The following THSD4 variants were observed in gnomAD, a reference collection of about 807,000 sequenced individuals.
THSD4 encodes the protein thrombospondin type 1 domain containing 4, also known as thrombospondin type-1 domain-containing protein 4.
Under a neutral mutation model 119.0 loss-of-function variants are expected in THSD4, and 69 were observed. That is an observed-to-expected ratio of 0.58 (90% CI 0.48 to 0.71). THSD4 has a LOEUF of 0.71. THSD4 is among the 30% of genes least tolerant of loss of function. The probability of loss-of-function intolerance (pLI) is 0.00; values close to 1 mark genes in which losing one functional copy is unlikely to be tolerated. For synonymous variants in THSD4, 524 were observed against 540.4 expected, an observed-to-expected ratio of 0.97 and a Z score of 0.42; for missense variants, 1,393 against 1,391.1, an observed-to-expected ratio of 1.00 and a Z score of -0.02.
At chr15:71,617,770 T>C (rs924736945) in intron 7 of THSD4, among the ~76,000 whole-genome samples, 1 of 152,262 alleles carries the variant, frequency 6.6e-6, no homozygotes, top group Non-Finnish European at 1.5e-5. Flanking sequence ...TGAATTTTGC[T>C]GAGCTGCCTC....
chr15:71,151,263 A>G (rs1016255741), intron 2 of THSD4, among the ~76,000 whole-genome samples: 7 of 152,162 alleles, frequency 4.6e-5, no homozygotes, highest in Admixed American at 1.3e-4. Flanking sequence ...CCTGAATGCT[A>G]TGAAAGTGCA....
intron 3 of THSD4, among the ~76,000 whole-genome samples, chr15:71,180,156 T>TAAAAAAAAAAAAA (rs766375226): frequency 8.8e-5 from 2 of 22,828 alleles, no homozygotes; most frequent in African/African-American, 1.2e-4. Context: ...AAAAAAACAT[T>TAAAAAAAAAAAAA]AAAAAAAAAA....
intron 7 of THSD4, among the ~76,000 whole-genome samples, chr15:71,523,419 G>A (rs1354074330): frequency 1.3e-5 from 2 of 152,162 alleles, no homozygotes; most frequent in African/African-American, 4.8e-5. Context: ...TGGATTTAGG[G>A]CCCACCTGGA....
In THSD4 at chr15:71,097,734, T is replaced by A. The variant is rs901718338; in HGVS notation, c.-80+728T>A. On this transcript the variant is annotated intron_variant, in intron 1 of 17. Transcript: ENST00000355327. ...TATATATATATATATATATATTTTT[T>A]TTTTTAAGTCCAAAGCAAACTCTTT... 8.7e-3 allele frequency among the ~76,000 whole-genome samples: 1,255 copies of A among 145,048 alleles called. 10 individuals are homozygous for A. Among genetic ancestry groups the A allele is most frequent in the Middle Eastern group, 0.025 (7 of 276 alleles).
chr15:71,182,913 G>A (rs2043549191), intron 3 of THSD4, among the ~76,000 whole-genome samples: 1 of 151,634 alleles, frequency 6.6e-6, no homozygotes, highest in South Asian at 2.1e-4. Flanking sequence ...TATTCTCTTT[G>A]TATTTTTTTA....
exon 1 of THSD4, chr15:71,096,998 T>C (rs1357204429): frequency 6.6e-6 from 1 of 152,202 alleles, no homozygotes; most frequent in Non-Finnish European, 1.5e-5. Context: ...AAGAGGAAAC[T>C]GGATTCAGGC....
intron 7 of THSD4, among the ~76,000 whole-genome samples, chr15:71,553,421 G>A (rs1595880142): frequency 6.6e-6 from 1 of 151,616 alleles, no homozygotes; most frequent in Non-Finnish European, 1.5e-5. Flanking sequence ...CACCTCCCGG[G>A]TTCAAGCGAT....
At chr15:71,180,681 A>G (rs77440467) in intron 3 of THSD4, among the ~76,000 whole-genome samples, 2,617 of 152,330 alleles carry the variant, frequency 0.017, 39 homozygotes, top group South Asian at 0.049. Context: ...AAGTATGTAC[A>G]GTATCATTCC....
chr15:71,716,729 C>G (rs562217966), intron 8 of THSD4, among the ~76,000 whole-genome samples: 1 of 152,116 alleles, frequency 6.6e-6, no homozygotes, highest in Non-Finnish European at 1.5e-5. Context: ...TCCTCCTACC[C>G]GACTTCCAGG....
At chr15:71,201,890 T>C (rs1235192031) in intron 3 of THSD4, among the ~76,000 whole-genome samples, 1 of 152,218 alleles carries the variant, frequency 6.6e-6, no homozygotes, top group Admixed American at 6.5e-5. Context: ...CAGGCACTGC[T>C]GCAGTGCTCA....
At chr15:71,704,950 A>T (rs1053661580) in intron 8 of THSD4, among the ~76,000 whole-genome samples, 1 of 152,234 alleles carries the variant, frequency 6.6e-6, no homozygotes, top group Non-Finnish European at 1.5e-5. Context: ...AGGAATAAAA[A>T]GTCCACTTTG....
At chr15:71,487,318 G>T (rs557074570) in intron 7 of THSD4, among the ~76,000 whole-genome samples, 1 of 152,344 alleles carries the variant, frequency 6.6e-6, no homozygotes, top group Admixed American at 6.5e-5. Flanking sequence ...GCAAGAAATT[G>T]TGTTGTTTTC....
intron 17 of THSD4, among the ~76,000 whole-genome samples, chr15:71,772,811 T>C (rs1339778930): frequency 3.3e-5 from 5 of 152,196 alleles, no homozygotes; most frequent in Non-Finnish European, 7.3e-5. Context: ...GAGGCTTCCA[T>C]TGTATTGAGA....
chr15:71,584,257 A>ATTTTTT (rs2049616963), intron 7 of THSD4, among the ~76,000 whole-genome samples: 1 of 58,450 alleles, frequency 1.7e-5, no homozygotes, highest in Admixed American at 2.0e-4. Flanking sequence ...TTTTTTTTTC[A>ATTTTTT]CTTTCTTTTT....
At chr15:71,114,221 A>G (rs1009048795), upstream of THSD4, among the ~76,000 whole-genome samples, 13 of 150,336 alleles carry the variant, frequency 8.6e-5, no homozygotes, top group Admixed American at 5.9e-4. Context: ...CCCTTTTGTT[A>G]ATTTTTTTTT....
rs189782421 is a variant in THSD4, at chr15:71,194,315, C to T, written c.100-20720C>T. On this transcript the variant is annotated intron_variant, in intron 3 of 17. Coordinates refer to ENST00000261862, the MANE Select transcript of THSD4 (RefSeq NM_024817.3). ...GATGCCTCCATCTGTTTTCACAAAC[C>T]GAGGTTGCTCTTCTTGCCACTGAGT... Among the ~76,000 whole-genome samples, 181 of 152,248 alleles carry T rather than the reference C, an allele frequency of 1.2e-3. 1 individual carries two copies. In the East Asian group the frequency reaches 0.017, roughly 14 times the overall value.
intron 7 of THSD4, among the ~76,000 whole-genome samples, chr15:71,464,943 A>G (rs888407702): frequency 2.6e-5 from 4 of 152,152 alleles, no homozygotes; most frequent in Admixed American, 2.6e-4. Context: ...CACTTTTAAT[A>G]TAAGTTTATA....
intron 1 of THSD4, among the ~76,000 whole-genome samples, chr15:71,129,135 C>T (rs770403017): frequency 3.3e-5 from 5 of 152,172 alleles, no homozygotes; most frequent in Non-Finnish European, 4.4e-5. Context: ...GGTTATGCCA[C>T]CGCTGAAGAA....
intron 4 of THSD4, among the ~76,000 whole-genome samples, chr15:71,235,315 G>A (rs1020366827): frequency 1.3e-5 from 2 of 152,162 alleles, no homozygotes; most frequent in African/African-American, 2.4e-5. Flanking sequence ...TTGATATATA[G>A]TAACAGTTCA....
Sources: allele counts gnomAD v4.1 joint callset (sites outside exome capture counted in the v4.1 genomes callset), GRCh38; gene constraint gnomAD v4.1.1; transcripts MANE v1.5; gene names NCBI Gene and HGNC (gene_info 2026-07-23, HGNC 2026-07-21).